The following EPHA6 variants were observed in gnomAD, a reference collection of about 807,000 sequenced individuals.
EPHA6 encodes the protein ephrin type-A receptor 6.
Under a neutral mutation model 112.0 loss-of-function variants are expected in EPHA6, and 50 were observed. The ratio of observed to expected loss-of-function variants is 0.45; its 90% CI spans 0.36 to 0.56. EPHA6 has a LOEUF of 0.56. Among genes scored for constraint, EPHA6 ranks in the 20% least tolerant of loss-of-function variants. The pLI, the probability that EPHA6 is intolerant of heterozygous loss-of-function variation, is 0.00. For missense variants in EPHA6, 1,280 were observed against 1,417.4 expected, an observed-to-expected ratio of 0.90 and a Z score of 1.56; for synonymous variants, 529 against 490.7, an observed-to-expected ratio of 1.08 and a Z score of -1.03.
intron 11 of EPHA6, among the ~76,000 whole-genome samples, chr3:97,578,597 T>C (rs2093409242): frequency 6.6e-6 from 1 of 152,200 alleles, no homozygotes; most frequent in African/African-American, 2.4e-5. Context: ...GCTCAGATCA[T>C]GACTAGAGGT....
chr3:97,185,398 G>C lies in EPHA6; in HGVS notation c.1115-40866G>C, dbSNP rs143808472. 9.8e-3 allele frequency among the ~76,000 whole-genome samples: 1,484 copies of C among 152,194 alleles called. 21 individuals are homozygous for C. The highest frequency in any genetic ancestry group is 0.035 in the African/African-American group (1,440 of 41,510). On this transcript the variant is annotated intron_variant, in intron 3 of 17. Coordinates refer to ENST00000389672, the MANE Select transcript of EPHA6 (RefSeq NM_001080448.3). ...AAAACAGACAACCCCATCAAAAAGT[G>C]GGTGAAGGATATGAACAGACACTTC...
At chr3:97,318,759 A>G (rs981128982) in intron 5 of EPHA6, among the ~76,000 whole-genome samples, 5 of 151,994 alleles carry the variant, frequency 3.3e-5, no homozygotes, top group African/African-American at 1.2e-4. Flanking sequence ...TATTATATAA[A>G]TATTATAACT....
intron 6 of EPHA6, among the ~76,000 whole-genome samples, chr3:97,408,587 A>G (rs2087514147): frequency 6.6e-6 from 1 of 152,050 alleles, no homozygotes; most frequent in Non-Finnish European, 1.5e-5. Context: ...TAGTTTTGGA[A>G]AGCAGGAAGT....
rs140389046 is a variant in EPHA6 at position 97,238,169 on chromosome 3, A to G, written c.1271-5783A>G. ...GGTTTTCAAGTGTCTAGAGAACTGT[A>G]TTTTGAGAAATTTTTATTCTCTCCT... On this transcript the variant is annotated intron_variant, in intron 4 of 17. Coordinates refer to ENST00000389672, the MANE Select transcript of EPHA6 (RefSeq NM_001080448.3). Among the ~76,000 whole-genome samples the G allele has an allele frequency of 4.5e-3, 686 of 152,072 alleles. 1 individual carries two copies. Among genetic ancestry groups the G allele is most frequent in the African/African-American group, 0.015 (639 of 41,526 alleles).
intron 11 of EPHA6, among the ~76,000 whole-genome samples, chr3:97,548,125 G>A (rs1336235357): frequency 6.6e-6 from 1 of 152,174 alleles, no homozygotes; most frequent in Non-Finnish European, 1.5e-5. Flanking sequence ...TTCCTCAGTT[G>A]GAAATGCAAA....
intron 5 of EPHA6, among the ~76,000 whole-genome samples, chr3:97,249,683 T>C (rs2079078511): frequency 6.6e-6 from 1 of 152,166 alleles, no homozygotes; most frequent in Admixed American, 6.5e-5. Flanking sequence ...TCCACCAATA[T>C]GTAAGCTTCT....
chr3:97,411,907 G>A (rs557425534), intron 6 of EPHA6, among the ~76,000 whole-genome samples: 2 of 152,082 alleles, frequency 1.3e-5, no homozygotes, highest in South Asian at 4.1e-4. Context: ...AAGACCTACT[G>A]TTCAGATTAT....
At chr3:97,103,562 C>T (rs1417952250) in intron 3 of EPHA6, among the ~76,000 whole-genome samples, 1 of 152,054 alleles carries the variant, frequency 6.6e-6, no homozygotes, top group African/African-American at 2.4e-5. Flanking sequence ...AGGTTGAAGT[C>T]GGGTTATATG....
chr3:97,660,704 G>GGA (rs1174471662), intron 14 of EPHA6, among the ~76,000 whole-genome samples: 1 of 152,034 alleles, frequency 6.6e-6, no homozygotes, highest in East Asian at 1.9e-4. Flanking sequence ...GACAATATCT[G>GGA]GAGAGTATTC....
chr3:97,475,720 T>C (rs1161411838), intron 8 of EPHA6, among the ~76,000 whole-genome samples: 1 of 152,112 alleles, frequency 6.6e-6, no homozygotes, highest in African/African-American at 2.4e-5. Context: ...ATATTTTTCC[T>C]TTACTATAAT....
chr3:97,729,541 A>G (rs1238135490), intron 15 of EPHA6, among the ~76,000 whole-genome samples: 2 of 152,052 alleles, frequency 1.3e-5, no homozygotes, highest in Non-Finnish European at 2.9e-5. Flanking sequence ...ACACACCCCC[A>G]TGATTCAATT....
At chr3:97,367,518 C>T (rs771212369) in intron 5 of EPHA6, among the ~76,000 whole-genome samples, 7 of 152,072 alleles carry the variant, frequency 4.6e-5, no homozygotes, top group Non-Finnish European at 8.8e-5. Context: ...CTGCTTACTC[C>T]CTTCTCCTAA....
chr3:97,454,168 C>T (rs2090607681), intron 7 of EPHA6, among the ~76,000 whole-genome samples: 1 of 151,730 alleles, frequency 6.6e-6, no homozygotes, highest in African/African-American at 2.4e-5. Context: ...GCTTCCATGC[C>T]ACTTTCCTGA....
intron 13 of EPHA6, among the ~76,000 whole-genome samples, chr3:97,614,429 G>T (rs534844583): frequency 6.7e-6 from 1 of 150,210 alleles, no homozygotes; most frequent in African/African-American, 2.4e-5. Flanking sequence ...CCGCCTCCCG[G>T]GTTCAAGTGA....
intron 5 of EPHA6, among the ~76,000 whole-genome samples, chr3:97,345,108 G>T (rs549820767): frequency 6.6e-6 from 1 of 151,954 alleles, no homozygotes; most frequent in South Asian, 2.1e-4. Context: ...ACCAACATAC[G>T]TACTATTAGT....
At chr3:97,408,791 C>T (rs2087527562) in intron 6 of EPHA6, among the ~76,000 whole-genome samples, 1 of 151,974 alleles carries the variant, frequency 6.6e-6, no homozygotes, top group South Asian at 2.1e-4. Flanking sequence ...TCCCAAAGAC[C>T]TCACCTCCTA....
chr3:97,246,295 GT>G (rs1365627712), intron 5 of EPHA6, among the ~76,000 whole-genome samples: 4 of 151,828 alleles, frequency 2.6e-5, no homozygotes, highest in African/African-American at 9.7e-5. Context: ...AAATCAGTAT[GT>G]CACTTTAAAT....
chr3:97,552,074 C>G (rs989699608), intron 11 of EPHA6, among the ~76,000 whole-genome samples: 1 of 152,068 alleles, frequency 6.6e-6, no homozygotes, highest in Admixed American at 6.6e-5. Context: ...TGTAATGTTT[C>G]AAATTATTCT....
intron 10 of EPHA6, among the ~76,000 whole-genome samples, chr3:97,509,341 G>A (rs973143449): frequency 6.6e-6 from 1 of 152,062 alleles, no homozygotes; most frequent in Admixed American, 6.6e-5. Flanking sequence ...TCCATTGCAT[G>A]TTTAGTGCTT....
Sources: allele counts gnomAD v4.1 joint callset (sites outside exome capture counted in the v4.1 genomes callset), GRCh38; gene constraint gnomAD v4.1.1; transcripts MANE v1.5; gene names NCBI Gene and HGNC (gene_info 2026-07-23, HGNC 2026-07-21).